Variants in RAD54L2 observed in about 807,000 individuals in gnomAD.
The protein encoded by RAD54L2 is helicase ARIP4.
In RAD54L2, 27 loss-of-function variants were observed where a neutral mutation model predicts 138.4. The ratio of observed to expected loss-of-function variants is 0.20; its 90% CI spans 0.14 to 0.27. The LOEUF is 0.27. RAD54L2 is among the 10% of genes least tolerant of loss of function. The pLI is 1.00. For missense variants in RAD54L2, 1,396 were observed against 1,890.2 expected, an observed-to-expected ratio of 0.74 and a Z score of 4.85; for synonymous variants, 644 against 723.2, an observed-to-expected ratio of 0.89 and a Z score of 1.76.
chr3:51,650,970 C>T (rs1297523575), intron 19 of RAD54L2, among the ~76,000 whole-genome samples: 1 of 152,088 alleles, frequency 6.6e-6, no homozygotes, highest in Admixed American at 6.6e-5. Context: ...ACACAAAAAA[C>T]CCTTCAAAAA....
intron 3 of RAD54L2, 41 bp from the exon 4 acceptor site, chr3:51,627,512 C>T: frequency 1.3e-6 from 2 of 1,533,374 alleles, no homozygotes; most frequent in South Asian, 2.4e-5. Context: ...CTCATTCCCC[C>T]TCACCCCTAT....
At chr3:51,631,420 CTT>C (rs898540419) in intron 7 of RAD54L2, among the ~76,000 whole-genome samples, 14 of 128,282 alleles carry the variant, frequency 1.1e-4, no homozygotes, top group Admixed American at 2.4e-4. Context: ...ATTAAGAACT[CTT>C]TTTTTTTTTT....
At chr3:51,587,326 T>TCTCCTGACCTCGTGATC (rs1699731996) in intron 2 of RAD54L2, among the ~76,000 whole-genome samples, 1 of 152,088 alleles carries the variant, frequency 6.6e-6, no homozygotes. Context: ...ATGGTTTTGA[T>TCTCCTGACCTCGTGATC]CTCCTGACCT....
chr3:51,604,202 C>G (rs1310971039), intron 3 of RAD54L2, among the ~76,000 whole-genome samples: 1 of 152,032 alleles, frequency 6.6e-6, no homozygotes, highest in Non-Finnish European at 1.5e-5. Context: ...ATTTTCTGAG[C>G]TTGGGAAGAT....
intron 1 of RAD54L2, among the ~76,000 whole-genome samples, chr3:51,540,380 G>A (rs1323026408): frequency 6.6e-6 from 1 of 152,186 alleles, no homozygotes; most frequent in Admixed American, 6.5e-5. Context: ...GTCTTCACTA[G>A]AAGTATTATC....
At chr3:51,660,228 T>C in intron 22 of RAD54L2, 110 bp downstream of exon 22, 2 of 791,776 alleles carry the variant, frequency 2.5e-6, no homozygotes, top group Non-Finnish European at 4.1e-6. Context: ...TGGTTCACAA[T>C]TCAGAGTGTA....
Position 51,553,565 on chromosome 3 carries a change from G to A in RAD54L2, c.-55+11915G>A, listed in dbSNP as rs559645414. Reference sequence around the variant, plus strand: ...GTACAGGCTTGGCATAGTTGCTTATGTCCGTAATTCCAGTACTTTGGGAGG... The same window carrying A: ...GTACAGGCTTGGCATAGTTGCTTATATCCGTAATTCCAGTACTTTGGGAGG... On this transcript the variant is annotated intron_variant, in intron 2 of 22. Coordinates refer to ENST00000684192, the MANE Select transcript of RAD54L2 (RefSeq NM_015106.4). Among the ~76,000 whole-genome samples the A allele has an allele frequency of 8.3e-4, 126 of 152,308 alleles. 1 individual carries two copies. Among genetic ancestry groups the A allele is most frequent in the Non-Finnish European group, 1.4e-3 (94 of 68,036 alleles).
chr3:51,573,327 G>A (rs534431923), intron 2 of RAD54L2, among the ~76,000 whole-genome samples: 1 of 152,280 alleles, frequency 6.6e-6, no homozygotes, highest in Non-Finnish European at 1.5e-5. Flanking sequence ...CCTTTAGAAG[G>A]TAGGCTTAAT....
At chr3:51,607,884 G>A (rs868142060) in intron 3 of RAD54L2, among the ~76,000 whole-genome samples, 8 of 143,312 alleles carry the variant, frequency 5.6e-5, no homozygotes, top group African/African-American at 2.1e-4. Context: ...GGCCGGGCGG[G>A]GGCTGCCCCC....
At chr3:51,607,428 G>T (rs544786882) in intron 3 of RAD54L2, among the ~76,000 whole-genome samples, 1 of 152,156 alleles carries the variant, frequency 6.6e-6, no homozygotes. Flanking sequence ...TTGGGGGTAA[G>T]GTTATAGATC....
intron 3 of RAD54L2, among the ~76,000 whole-genome samples, chr3:51,613,182 C>T (rs919811293): frequency 2.6e-5 from 4 of 152,022 alleles, no homozygotes; most frequent in Admixed American, 1.3e-4. Flanking sequence ...TGTGATCCAC[C>T]CGCCTCGGCC....
intron 4 of RAD54L2, among the ~76,000 whole-genome samples, chr3:51,628,916 G>A (rs755054116): frequency 9.3e-5 from 14 of 150,962 alleles, no homozygotes; most frequent in Non-Finnish European, 2.1e-4. Context: ...GGGTTTTGCC[G>A]TGTTAGCCAG....
intron 19 of RAD54L2, among the ~76,000 whole-genome samples, chr3:51,654,467 C>T (rs745837029): frequency 3.3e-5 from 5 of 152,150 alleles, no homozygotes; most frequent in Non-Finnish European, 5.9e-5. Context: ...GTGGGAGAAT[C>T]GCTTGAGTCC....
chr3:51,641,301 G>A lies in RAD54L2; in HGVS notation c.2232-448G>A, dbSNP rs377233194. On this transcript the variant is annotated intron_variant, in intron 14 of 22. Coordinates refer to ENST00000684192, the MANE Select transcript of RAD54L2 (RefSeq NM_015106.4). The stretch of plus-strand genomic sequence containing the variant: ...ATTACAGGCGTGAGCCACTGTTCCC[G>A]ACCTAGAGTTACCCCCTTTTTTTTT... Among the ~76,000 whole-genome samples, 301 of 136,220 alleles carry A rather than the reference G, an allele frequency of 2.2e-3. 3 individuals are homozygous for A. The highest frequency in any genetic ancestry group is 7.2e-3 in the African/African-American group (262 of 36,188). 89.4% of individuals were successfully genotyped at this position (136,220 alleles called of 152,430 possible). A position where few individuals can be genotyped will look rare whatever the true frequency, so the allele number is the denominator to read the frequency against.
At chr3:51,571,554 G>A (rs555037108) in intron 2 of RAD54L2, among the ~76,000 whole-genome samples, 1 of 152,112 alleles carries the variant, frequency 6.6e-6, no homozygotes, top group East Asian at 1.9e-4. Context: ...TTTTAGTAGA[G>A]ATGGGATTTC....
intron 2 of RAD54L2, among the ~76,000 whole-genome samples, chr3:51,571,180 C>A (rs1200978211): frequency 6.6e-6 from 1 of 152,102 alleles, no homozygotes; most frequent in Non-Finnish European, 1.5e-5. Context: ...TCCCTTTGAT[C>A]ATCATTTTTT....
chr3:51,577,272 G>T (rs553248629), intron 2 of RAD54L2, among the ~76,000 whole-genome samples: 1 of 152,246 alleles, frequency 6.6e-6, no homozygotes, highest in South Asian at 2.1e-4. Context: ...CAACTATGTG[G>T]TCAATTTTGG....
chr3:51,635,849 T>C, intron 10 of RAD54L2, 60 bp downstream of exon 10: 1 of 1,457,526 alleles, frequency 6.9e-7, no homozygotes, highest in Non-Finnish European at 9.2e-7. Flanking sequence ...AAATCATGTC[T>C]ACTAATAGCA....
chr3:51,584,610 C>T (rs1699674083), intron 2 of RAD54L2, among the ~76,000 whole-genome samples: 1 of 148,470 alleles, frequency 6.7e-6, no homozygotes, highest in South Asian at 2.1e-4. Flanking sequence ...GTACTATACT[C>T]CGTATAGTAC....
Sources: gnomAD v4.1 joint callset for allele counts (sites outside exome capture counted in the v4.1 genomes callset) on GRCh38, gnomAD v4.1.1 for gene constraint, MANE v1.5 for transcripts, NCBI Gene and HGNC (gene_info 2026-07-23, HGNC 2026-07-21) for gene names.